ATG10: variants seen among roughly 807,000 people sequenced by gnomAD.
The protein encoded by ATG10 is autophagy related 10, also known as ubiquitin-like-conjugating enzyme ATG10.
In ATG10, 30 loss-of-function variants were observed where a neutral mutation model predicts 32.1. That is an observed-to-expected ratio of 0.94 (90% CI 0.70 to 1.27). ATG10 has a LOEUF of 1.27. Ranked by LOEUF, ATG10 falls within the 50% of genes most tolerant of loss-of-function variation. The pLI is 0.00. For missense variants in ATG10, 233 were observed against 262.3 expected (o/e 0.89, Z 0.77); for synonymous variants, 87 against 91.5 (o/e 0.95, Z 0.28).
chr5:82,028,791 A>G (rs1480258214), intron 2 of ATG10, among the ~76,000 whole-genome samples: 1 of 152,240 alleles, frequency 6.6e-6, no homozygotes, highest in African/African-American at 2.4e-5. Flanking sequence ...TCTTGGCTTG[A>G]AAATTAGTTT....
At chr5:82,127,208 T>G (rs930453179) in intron 3 of ATG10, among the ~76,000 whole-genome samples, 17 of 152,156 alleles carry the variant, frequency 1.1e-4, no homozygotes, top group Admixed American at 1.0e-3. Context: ...GTCCATCTAT[T>G]TTGTTAATAT....
At chr5:82,226,561 G>A (rs998200905) in intron 5 of ATG10, among the ~76,000 whole-genome samples, 1 of 152,050 alleles carries the variant, frequency 6.6e-6, no homozygotes, top group Admixed American at 6.5e-5. Flanking sequence ...TATGCAATTA[G>A]GATTATAATG....
chr5:82,065,826 T>C (rs1763927059), intron 3 of ATG10, among the ~76,000 whole-genome samples: 1 of 152,162 alleles, frequency 6.6e-6, no homozygotes, highest in South Asian at 2.1e-4. Flanking sequence ...TAGACAATTT[T>C]TGACGAAAAT....
intron 5 of ATG10, among the ~76,000 whole-genome samples, chr5:82,196,790 G>A (rs1045651798): frequency 6.6e-6 from 1 of 152,118 alleles, no homozygotes; most frequent in African/African-American, 2.4e-5. Flanking sequence ...GTTTACTGTG[G>A]CTTTATAACA....
chr5:82,193,097 A>AT (rs1744721749), intron 5 of ATG10, among the ~76,000 whole-genome samples: 1 of 152,210 alleles, frequency 6.6e-6, no homozygotes, highest in Non-Finnish European at 1.5e-5. Flanking sequence ...TCTGGGCCTC[A>AT]GTGAGAATCT....
At chr5:81,997,981 T>G (rs1357674915) in intron 2 of ATG10, among the ~76,000 whole-genome samples, 1 of 152,238 alleles carries the variant, frequency 6.6e-6, no homozygotes, top group African/African-American at 2.4e-5. Flanking sequence ...ATATCGTCCA[T>G]GCAAATTTCT....
intron 5 of ATG10, among the ~76,000 whole-genome samples, chr5:82,202,598 C>T (rs1745110769): frequency 6.6e-6 from 1 of 152,142 alleles, no homozygotes. Context: ...GTATTTCTCC[C>T]ACACTCTAGG....
chr5:82,183,226 A>C (rs73768639), intron 5 of ATG10, among the ~76,000 whole-genome samples: 20,755 of 152,064 alleles, frequency 0.14, 2,155 homozygotes, highest in African/African-American at 0.29. Flanking sequence ...TTCTTTTTTT[A>C]TAGTTTGTTT....
chr5:82,167,720 G>A (rs182774211), intron 4 of ATG10, among the ~76,000 whole-genome samples: 4 of 152,254 alleles, frequency 2.6e-5, no homozygotes, highest in East Asian at 1.9e-4. Flanking sequence ...CTATAAACAC[G>A]TATTTTTATT....
intron 5 of ATG10, among the ~76,000 whole-genome samples, chr5:82,250,801 G>A (rs1040188144): frequency 6.6e-6 from 1 of 152,244 alleles, no homozygotes; most frequent in Non-Finnish European, 1.5e-5. Context: ...ATAGCTAGAA[G>A]TATTCTGGCA....
chr5:82,186,609 T>TTTC (rs1744452928), intron 5 of ATG10, among the ~76,000 whole-genome samples: 1 of 151,464 alleles, frequency 6.6e-6, no homozygotes, highest in Non-Finnish European at 1.5e-5. Context: ...TTTTTTTTTT[T>TTTC]TTCAGACAGA....
intron 1 of ATG10, among the ~76,000 whole-genome samples, chr5:81,983,235 A>G (rs868003783): frequency 1.3e-5 from 1 of 75,968 alleles, no homozygotes; most frequent in Admixed American, 1.3e-4. Flanking sequence ...CTGGGGGCTG[A>G]CCCCCCCCCC....
chr5:82,088,298 C>T (rs1764759909), intron 3 of ATG10, among the ~76,000 whole-genome samples: 1 of 151,818 alleles, frequency 6.6e-6, no homozygotes, highest in Non-Finnish European at 1.5e-5. Flanking sequence ...GAGATATGAA[C>T]TATATTAGGT....
intron 3 of ATG10, among the ~76,000 whole-genome samples, chr5:82,143,614 G>A (rs1486723057): frequency 1.3e-5 from 2 of 152,248 alleles, no homozygotes; most frequent in African/African-American, 2.4e-5. Context: ...CGTGCAGACT[G>A]TAAAGATGAG....
At chr5:82,111,205 T>G (rs1474611912) in intron 3 of ATG10, among the ~76,000 whole-genome samples, 1 of 152,020 alleles carries the variant, frequency 6.6e-6, no homozygotes, top group Non-Finnish European at 1.5e-5. Flanking sequence ...ATAGTTGTTT[T>G]AATTCTAATT....
chr5:81,994,004 C>T lies in ATG10; in HGVS notation c.108+6326C>T, dbSNP rs538396246. The stretch of plus-strand genomic sequence containing the variant: ...AAAATGTTTACCATCTTTTCTTTGG[C>T]AGCCCATAATCTCAGTGTTTCATAT... On this transcript the variant is annotated intron_variant, in intron 2 of 7. Transcript: ENST00000282185. Among the ~76,000 whole-genome samples the T allele has an allele frequency of 7.2e-4, 109 of 152,246 alleles. 1 individual carries two copies. The highest frequency in any genetic ancestry group is 2.5e-3 in the African/African-American group (105 of 41,542).
At chr5:82,114,317 T>C (rs1371905117) in intron 3 of ATG10, among the ~76,000 whole-genome samples, 1 of 152,008 alleles carries the variant, frequency 6.6e-6, no homozygotes, top group Non-Finnish European at 1.5e-5. Flanking sequence ...CTCTCTGCCA[T>C]GGTAGAAGTG....
chr5:82,138,998 A>C (rs1217058943), intron 3 of ATG10, among the ~76,000 whole-genome samples: 1 of 150,144 alleles, frequency 6.7e-6, no homozygotes, highest in African/African-American at 2.5e-5. Context: ...GATCGCAGGC[A>C]CGCGCCGCCA....
chr5:82,084,749 G>A (rs1001536687), intron 3 of ATG10, among the ~76,000 whole-genome samples: 5 of 152,222 alleles, frequency 3.3e-5, no homozygotes, highest in Admixed American at 3.3e-4. Flanking sequence ...ATAAGTGAAG[G>A]AGAAATAAAA....
Sources: allele counts gnomAD v4.1 joint callset (sites outside exome capture counted in the v4.1 genomes callset), GRCh38; gene constraint gnomAD v4.1.1; transcripts MANE v1.5; gene names NCBI Gene and HGNC (gene_info 2026-07-23, HGNC 2026-07-21).